The following UBE3C variants were observed in gnomAD, a reference collection of about 807,000 sequenced individuals.
The protein encoded by UBE3C is ubiquitin-protein ligase E3C.
Under a neutral mutation model 129.4 loss-of-function variants are expected in UBE3C, and 42 were observed. The ratio of observed to expected loss-of-function variants is 0.32; its 90% CI spans 0.25 to 0.42. The LOEUF (loss-of-function observed/expected upper bound fraction) is 0.42, where lower values mean the gene tolerates loss of function less well. UBE3C is among the 10% of genes least tolerant of loss of function. The pLI is 1.00. For synonymous variants in UBE3C, 510 were observed against 492.4 expected (o/e 1.04, Z -0.47); for missense variants, 1,049 against 1,319.1 (o/e 0.80, Z 3.17).
chr7:157,260,959 C>A (rs997112040), intron 22 of UBE3C, among the ~76,000 whole-genome samples: 1 of 152,068 alleles, frequency 6.6e-6, no homozygotes, highest in Admixed American at 6.5e-5. Flanking sequence ...GCGTGAGCGT[C>A]GTAGGTTTAG....
Position 157,257,058 on chromosome 7 carries a change from A to T in UBE3C, c.3081+14A>T. The T allele has an allele frequency of 6.2e-7, 1 of 1,613,848 alleles. No homozygotes were observed. The highest frequency in any genetic ancestry group is 8.5e-7 in the Non-Finnish European group (1 of 1,179,874). On this transcript the variant is annotated intron_variant, in intron 22 of 22. Transcript: ENST00000348165. ...TTGGGGTTTAAGGTACACAACTTTC[A>T]TGACATTTGCTTTAAAGACCACTTC... is the stretch of plus-strand genomic sequence containing the variant.
At chr7:157,177,588 C>T (rs1235090523) in intron 5 of UBE3C, among the ~76,000 whole-genome samples, 1 of 152,246 alleles carries the variant, frequency 6.6e-6, no homozygotes, top group Admixed American at 6.5e-5. Flanking sequence ...TGTAGCCCCG[C>T]TCCTCCTGCA....
At position 157,190,021 on chromosome 7, in the gene UBE3C, G is replaced by A. The variant is rs375694393; in HGVS notation, c.1331+3000G>A. On this transcript the variant is annotated intron_variant, in intron 10 of 22. Coordinates refer to ENST00000348165, the MANE Select transcript of UBE3C (RefSeq NM_014671.3). ...TCACCATGTAGGCCAGGCTGGTCTC[G>A]AACTCCTGACCTCAGGTGATCTCCC... Among the ~76,000 whole-genome samples the A allele has an allele frequency of 4.6e-5, 7 of 152,122 alleles. No individual in the cohort carries two copies. In the East Asian group the frequency reaches 5.8e-4, roughly 13 times the overall value.
At chr7:157,166,058 ATCTATTATTTCATT>A (rs1808203780) in intron 2 of UBE3C, among the ~76,000 whole-genome samples, 1 of 152,194 alleles carries the variant, frequency 6.6e-6, no homozygotes, top group African/African-American at 2.4e-5. Context: ...GGAAGTTTTC[ATCTATTATTTCATT>A]AAATAGGTTT....
intron 21 of UBE3C, among the ~76,000 whole-genome samples, chr7:157,254,587 A>G (rs1014936281): frequency 1.1e-4 from 17 of 151,626 alleles, no homozygotes; most frequent in African/African-American, 4.1e-4. Context: ...GAGTAGAGAC[A>G]GGGTTTTGCC....
Position 157,221,171 on chromosome 7 carries a change from A to G in UBE3C, c.2002+395A>G, listed in dbSNP as rs375941486. 1.2e-4 allele frequency: 21 copies of G among 168,808 alleles called. No individual in the cohort carries two copies. The East Asian group carries it at 3.2e-3, about 26-fold the overall frequency. The allele number at this position is 168,808 out of a possible 1,614,324, so 10.5% of individuals were successfully genotyped here. A position where few individuals can be genotyped will look rare whatever the true frequency, so the allele number is the denominator to read the frequency against. Reference sequence around the variant, plus strand: ...TGTGAATCCATTCATTGGTTGAAAGACATTTGGTTATTTTTTCTGTCTCTG... The same window carrying G: ...TGTGAATCCATTCATTGGTTGAAAGGCATTTGGTTATTTTTTCTGTCTCTG... On this transcript the variant is annotated intron_variant, in intron 15 of 22. Coordinates refer to ENST00000348165, the MANE Select transcript of UBE3C (RefSeq NM_014671.3).
chr7:157,152,338 A>G (rs1807779072), intron 1 of UBE3C, among the ~76,000 whole-genome samples: 1 of 152,166 alleles, frequency 6.6e-6, no homozygotes, highest in South Asian at 2.1e-4. Context: ...AAGCACATTA[A>G]TGAGACTTAG....
rs529396466 is a variant in UBE3C, at chr7:157,198,390, T to G, written c.1332-3331T>G. ...TTTCTTGATATGTCATCCCTTTGGC[T>G]GTTTTCAAGTTTCTTTGCAGGTTCT... is the stretch of plus-strand genomic sequence containing the variant. On this transcript the variant is annotated intron_variant, in intron 10 of 22. Transcript: ENST00000348165. 7.1e-6 allele frequency: 5 copies of G among 705,932 alleles called. No homozygotes were observed. The South Asian group carries it at 7.6e-5, about 11-fold the overall frequency. The allele number at this position is 705,932 out of a possible 1,614,324, so 43.7% of individuals were successfully genotyped here. A position where few individuals can be genotyped will look rare whatever the true frequency, so the allele number is the denominator to read the frequency against.
intron 11 of UBE3C, among the ~76,000 whole-genome samples, chr7:157,205,789 G>A (rs999862013): frequency 4.6e-5 from 7 of 152,168 alleles, no homozygotes; most frequent in African/African-American, 1.7e-4. Context: ...TGTGGACATA[G>A]TGTATCTTCT....
chr7:157,215,216 C>T (rs1166082245), intron 13 of UBE3C, among the ~76,000 whole-genome samples: 1 of 152,082 alleles, frequency 6.6e-6, no homozygotes, highest in African/African-American at 2.4e-5. Flanking sequence ...TCTCTGTCCA[C>T]GGGTAGGTCA....
Position 157,251,996 on chromosome 7 carries a change from C to T in UBE3C, c.2695-1958C>T, listed in dbSNP as rs955117289. Among the ~76,000 whole-genome samples the T allele has an allele frequency of 3.3e-5, 5 of 151,934 alleles. No individual in the cohort carries two copies. The East Asian group carries it at 5.8e-4, about 18-fold the overall frequency. ...TAAAAATACAAAAAACTGAGCCGGGCGTGGTGATGTGCACCTGTAATCCCA... is the reference window on the plus strand; with the variant it reads ...TAAAAATACAAAAAACTGAGCCGGGTGTGGTGATGTGCACCTGTAATCCCA... On this transcript the variant is annotated intron_variant, in intron 19 of 22. Transcript: ENST00000348165.
intron 18 of UBE3C, among the ~76,000 whole-genome samples, chr7:157,239,024 A>G (rs1459839356): frequency 6.6e-6 from 1 of 152,216 alleles, no homozygotes; most frequent in African/African-American, 2.4e-5. Flanking sequence ...TGGCGTGGTG[A>G]AGGCAAAAAC....
intron 1 of UBE3C, among the ~76,000 whole-genome samples, chr7:157,149,960 C>T (rs1391889187): frequency 1.3e-5 from 2 of 152,164 alleles, no homozygotes; most frequent in Non-Finnish European, 2.9e-5. Flanking sequence ...GAAGGAGAAG[C>T]CATGCTTTCC....
Position 157,174,907 on chromosome 7 carries a change from T to C in UBE3C, c.343-12T>C. ...CATTGAGAGTTGTATATTTTATGTTTTGCTGTTTCAGATATGGCTGTATCA... is the reference window on the plus strand; with the variant it reads ...CATTGAGAGTTGTATATTTTATGTTCTGCTGTTTCAGATATGGCTGTATCA... On this transcript the variant is annotated splice_polypyrimidine_tract_variant and intron_variant, in intron 4 of 22. Transcript: ENST00000348165. The C allele has an allele frequency of 1.3e-6, 2 of 1,568,894 alleles. No individual in the cohort carries two copies. The highest frequency in any genetic ancestry group is 1.4e-5 in the African/African-American group (1 of 73,106).
intron 2 of UBE3C, among the ~76,000 whole-genome samples, chr7:157,168,147 C>T (rs555792130): frequency 3.3e-5 from 5 of 151,810 alleles, no homozygotes; most frequent in South Asian, 2.1e-4. Flanking sequence ...GTCAGGAGAT[C>T]GAGACCATCC....
At position 157,198,345 on chromosome 7, in the gene UBE3C, G is replaced by A. The variant is rs937016474; in HGVS notation, c.1332-3376G>A. The stretch of plus-strand genomic sequence containing the variant: ...TTGCGCTTCACTTCATCTTCATACA[G>A]TTCTTCCAAGGCCAGTTTATTTCTT... On this transcript the variant is annotated intron_variant, in intron 10 of 22. Coordinates refer to ENST00000348165, the MANE Select transcript of UBE3C (RefSeq NM_014671.3). The A allele has an allele frequency of 7.7e-6, 6 of 784,044 alleles. No homozygotes were observed. In the African/African-American group the frequency reaches 1.0e-4, roughly 13 times the overall value. 48.6% of individuals were successfully genotyped at this position (784,044 alleles called of 1,614,324 possible).
chr7:157,229,471 C>T (rs773215115), intron 17 of UBE3C, among the ~76,000 whole-genome samples: 3 of 151,992 alleles, frequency 2.0e-5, no homozygotes, highest in African/African-American at 7.3e-5. Context: ...TGCACCACCA[C>T]GCCCGGCTAA....
chr7:157,181,454 G>C, intron 6 of UBE3C, 64 bp from the exon 7 acceptor site: 1 of 1,434,970 alleles, frequency 7.0e-7, no homozygotes, highest in South Asian at 1.4e-5. Flanking sequence ...TTTAAAAATT[G>C]GCAAGTTTTT....
intron 1 of UBE3C, among the ~76,000 whole-genome samples, chr7:157,160,288 T>G (rs1808034638): frequency 6.6e-6 from 1 of 152,208 alleles, no homozygotes; most frequent in Admixed American, 6.5e-5. Context: ...TAGGTCAGGC[T>G]GGTCTCGAAC....
Sources: allele counts gnomAD v4.1 joint callset (sites outside exome capture counted in the v4.1 genomes callset), GRCh38; gene constraint gnomAD v4.1.1; transcripts MANE v1.5; gene names NCBI Gene and HGNC (gene_info 2026-07-23, HGNC 2026-07-21).